UNC13B: variants seen among roughly 807,000 people sequenced by gnomAD.
The protein encoded by UNC13B is protein unc-13 homolog B.
A neutral mutation model predicts 211.0 loss-of-function variants in UNC13B; 144 were observed. The observed-to-expected ratio is 0.68, with a 90% CI of 0.60 to 0.78. The LOEUF is 0.78. Ranked by LOEUF, UNC13B falls within the 30% of genes least tolerant of loss-of-function variation. The pLI is 0.00. For missense variants in UNC13B, 1,777 were observed against 2,002.0 expected (o/e 0.89, Z 2.14); for synonymous variants, 709 against 725.8 (o/e 0.98, Z 0.37).
At chr9:35,232,177 CTTTTTTTTT>C (rs547048403) in intron 3 of UNC13B, among the ~76,000 whole-genome samples, 1 of 31,536 alleles carries the variant, frequency 3.2e-5, no homozygotes, top group Non-Finnish European at 5.9e-5. Flanking sequence ...TATATTGCTG[CTTTTTTTTT>C]TTTTTTTTTT....
chr9:35,400,509 T>A, intron 37 of UNC13B, 66 bp downstream of exon 37: 3 of 1,531,254 alleles, frequency 2.0e-6, no homozygotes, highest in Non-Finnish European at 2.6e-6. Context: ...CTAGGGAGTC[T>A]GTATCTTCAT....
chr9:35,230,728 G>A (rs1250321566), intron 2 of UNC13B, among the ~76,000 whole-genome samples: 1 of 151,742 alleles, frequency 6.6e-6, no homozygotes, highest in Non-Finnish European at 1.5e-5. Context: ...CCCCCAGATG[G>A]CAAGTGGGCT....
chr9:35,198,816 G>C (rs1179949807), intron 1 of UNC13B, among the ~76,000 whole-genome samples: 2 of 152,182 alleles, frequency 1.3e-5, no homozygotes, highest in Non-Finnish European at 2.9e-5. Context: ...TGTTAGCAAA[G>C]AGGTTGGAGG....
intron 3 of UNC13B, among the ~76,000 whole-genome samples, chr9:35,233,579 C>T (rs770084820): frequency 2.0e-5 from 3 of 152,128 alleles, no homozygotes; most frequent in Non-Finnish European, 2.9e-5. Context: ...CTTTTGTCAC[C>T]GGAATCTCCA....
At chr9:35,236,204 C>T (rs1825499610) in intron 3 of UNC13B, among the ~76,000 whole-genome samples, 1 of 152,020 alleles carries the variant, frequency 6.6e-6, no homozygotes, top group African/African-American at 2.4e-5. Context: ...TTGAGGTGCA[C>T]AATACCTTAT....
chr9:35,405,201 G>A lies in UNC13B; in HGVS notation c.*1168G>A, dbSNP rs1382880599. On this transcript the variant is annotated 3_prime_UTR_variant, in exon 40 of 40. Coordinates refer to ENST00000635942, the MANE Select transcript of UNC13B (RefSeq NM_001371189.2). Reference sequence around the variant, plus strand: ...TGTAGCAGCCTCCTGGACTTCCTGAGGACTCGACATTGTCCACAGATGTAC... The same window carrying A: ...TGTAGCAGCCTCCTGGACTTCCTGAAGACTCGACATTGTCCACAGATGTAC... 6.6e-6 allele frequency: 1 copy of A among 152,598 alleles called. No individual in the cohort carries two copies. The highest frequency in any genetic ancestry group is 1.5e-5 in the Non-Finnish European group (1 of 68,042). 9.5% of individuals were successfully genotyped at this position (152,598 alleles called of 1,614,324 possible). A position where few individuals can be genotyped will look rare whatever the true frequency, so the allele number is the denominator to read the frequency against.
intron 11 of UNC13B, among the ~76,000 whole-genome samples, chr9:35,355,312 T>C (rs186661524): frequency 6.6e-6 from 1 of 152,338 alleles, no homozygotes; most frequent in African/African-American, 2.4e-5. Flanking sequence ...ACAAATGGAA[T>C]GGGAGGGAGA....
Position 35,400,456 on chromosome 9 carries a change from G to A in UNC13B, c.12484+13G>A, listed in dbSNP as rs1282216645. The stretch of plus-strand genomic sequence containing the variant: ...CAGACCACCCAAGGTAAGGCCCTGA[G>A]GGCTTTGGGTATCCACCTCTCCTCT... On this transcript the variant is annotated intron_variant, in intron 37 of 39. Transcript: ENST00000635942. 2 of 1,609,854 alleles carry A rather than the reference G, an allele frequency of 1.2e-6. No homozygotes were observed. The highest frequency in any genetic ancestry group is 1.7e-5 in the Admixed American group (1 of 59,702).
chr9:35,386,002 G>A (rs1286097099), intron 23 of UNC13B, among the ~76,000 whole-genome samples, 163 bp from the exon 24 acceptor site: 1 of 152,132 alleles, frequency 6.6e-6, no homozygotes, highest in Non-Finnish European at 1.5e-5. Context: ...AGGATGGGGT[G>A]GAAGTTTTCC....
chr9:35,397,831 A>G (rs1038501434), intron 30 of UNC13B, 119 bp downstream of exon 30: 5 of 1,066,248 alleles, frequency 4.7e-6, no homozygotes, highest in African/African-American at 1.6e-5. Flanking sequence ...GATTCCCACC[A>G]TGGCTTTGCT....
chr9:35,381,340 G>C, intron 19 of UNC13B, 125 bp downstream of exon 19: 1 of 1,011,694 alleles, frequency 9.9e-7, no homozygotes, highest in Non-Finnish European at 1.4e-6. Flanking sequence ...GATTCACTCT[G>C]TTACCCTGGA....
At chr9:35,233,288 C>G (rs1166309244) in intron 3 of UNC13B, among the ~76,000 whole-genome samples, 1 of 152,164 alleles carries the variant, frequency 6.6e-6, no homozygotes, top group Non-Finnish European at 1.5e-5. Flanking sequence ...TCTGCAGCCT[C>G]TCATCAGCAT....
At position 35,402,021 on chromosome 9, in the gene UNC13B, C is replaced by T. The variant is rs79171912; in HGVS notation, c.12485-1146C>T. 4.5e-3 allele frequency: 6,933 copies of T among 1,549,626 alleles called. 245 individuals carry two copies. The African/African-American group carries it at 0.082, about 18-fold the overall frequency. ...GTCCGGAAAAGGGTATGTTGTACAC[C>T]GTGCAGATATGGATCTAACATGGGC... On this transcript the variant is annotated intron_variant, in intron 37 of 39. Transcript: ENST00000635942.
intron 11 of UNC13B, chr9:35,352,986 C>T (rs987939652): frequency 3.2e-6 from 4 of 1,232,068 alleles, no homozygotes; most frequent in African/African-American, 3.1e-5. Flanking sequence ...AGAATAAACG[C>T]AGAGGACAAG....
At chr9:35,316,763 C>A (rs557531378) in intron 11 of UNC13B, among the ~76,000 whole-genome samples, 1 of 152,196 alleles carries the variant, frequency 6.6e-6, no homozygotes, top group African/African-American at 2.4e-5. Context: ...TATGTTGGAA[C>A]CAATTGCTCT....
In UNC13B at chr9:35,300,262, A is replaced by T. The variant is rs555486695; in HGVS notation, c.858A>T (p.Arg286Ser). The change falls in exon 9 of 40, where the codon AGA becomes AGT. Residue 286 changes from arginine (R) to serine (S), a missense_variant. Arg to Ser is a moderately radical substitution (Grantham distance 110). Coordinates refer to ENST00000635942, the MANE Select transcript of UNC13B (RefSeq NM_001371189.2). ...EDSERRQYGE[R>S]SETKTNYKST... ...GTGAAAGAAGGCAATATGGTGAGAG[A>T]TCTGAAACTAAGACTAACTACAAAA... 465 of 398,924 alleles carry T rather than the reference A, an allele frequency of 1.2e-3. No homozygotes were observed. The highest frequency in any genetic ancestry group is 1.7e-3 in the Non-Finnish European group (378 of 226,028). 24.7% of individuals were successfully genotyped at this position (398,924 alleles called of 1,614,324 possible).
At chr9:35,246,741 T>C (rs1487717960) in intron 6 of UNC13B, among the ~76,000 whole-genome samples, 1 of 152,232 alleles carries the variant, frequency 6.6e-6, no homozygotes, top group African/African-American at 2.4e-5. Context: ...CCATGCTGTT[T>C]TAATTACCGT....
At chr9:35,275,039 CT>C in intron 7 of UNC13B, among the ~76,000 whole-genome samples, 2 of 151,546 alleles carry the variant, frequency 1.3e-5, no homozygotes. Flanking sequence ...GTTTTGAATT[CT>C]TTTTTTTTCT....
intron 7 of UNC13B, among the ~76,000 whole-genome samples, chr9:35,283,982 G>A (rs571537557): frequency 1.7e-4 from 26 of 152,154 alleles, no homozygotes; most frequent in African/African-American, 6.0e-4. Context: ...AGTACAGGCC[G>A]GGCGTGGTGT....
Sources: allele counts gnomAD v4.1 joint callset (sites outside exome capture counted in the v4.1 genomes callset), GRCh38; gene constraint gnomAD v4.1.1; transcripts MANE v1.5; gene names NCBI Gene and HGNC (gene_info 2026-07-23, HGNC 2026-07-21).